PLD5: variants seen among roughly 807,000 people sequenced by gnomAD.
The protein encoded by PLD5 is phospholipase D family member 5.
PLD5 carries 36 observed loss-of-function variants against 61.1 expected under a neutral mutation model. The ratio of observed to expected loss-of-function variants is 0.59; its 90% confidence interval spans 0.45 to 0.78. PLD5 has a LOEUF of 0.78. Among genes scored for constraint, PLD5 ranks in the 30% least tolerant of loss-of-function variants. The pLI, the probability that PLD5 is intolerant of heterozygous loss-of-function variation, is 0.00. For missense variants in PLD5, 515 were observed against 644.4 expected (o/e 0.80, Z 2.17); for synonymous variants, 243 against 242.8 (o/e 1.00, Z -0.01).
chr1:242,472,292 T>C lies in PLD5; in HGVS notation c.189+51796A>G, dbSNP rs140324502. Reference sequence around the variant, plus strand: ...CACAATTTCTAAAGATATTCTCAGATGGTTGATGAATAAGGAGCACACTTT... The same window carrying C: ...CACAATTTCTAAAGATATTCTCAGACGGTTGATGAATAAGGAGCACACTTT... On this transcript the variant is annotated intron_variant, in intron 1 of 9. Coordinates refer to ENST00000536534, the MANE Select transcript of PLD5 (RefSeq NM_001372062.1). Among the ~76,000 whole-genome samples the C allele has an allele frequency of 1.2e-3, 184 of 152,316 alleles. 1 individual carries two copies. The highest frequency in any genetic ancestry group is 4.2e-3 in the African/African-American group (174 of 41,580).
chr1:242,401,305 T>C (rs1663918121), intron 1 of PLD5, among the ~76,000 whole-genome samples: 1 of 152,028 alleles, frequency 6.6e-6, no homozygotes. Flanking sequence ...CCACCCCTCA[T>C]TCTTAATCAG....
rs190243484 is a variant in PLD5, at chr1:242,482,323, G to T, written c.189+41765C>A. Among the ~76,000 whole-genome samples, 737 of 152,270 alleles carry T rather than the reference G, an allele frequency of 4.8e-3. 1 individual carries two copies. Among genetic ancestry groups the T allele is most frequent in the Non-Finnish European group, 7.6e-3 (520 of 68,014 alleles). On this transcript the variant is annotated intron_variant, in intron 1 of 9. Transcript: ENST00000536534. ...TAAAAACCTTGAAAAAAGATTAGAT[G>T]AATGGCTAACTACAATAACCAATGC...
intron 4 of PLD5, among the ~76,000 whole-genome samples, chr1:242,228,585 G>T (rs1381945349): frequency 3.9e-5 from 6 of 152,074 alleles, no homozygotes; most frequent in Non-Finnish European, 4.4e-5. Context: ...ACATACAGAG[G>T]TTGGCATGAC....
intron 5 of PLD5, among the ~76,000 whole-genome samples, chr1:242,126,438 G>A (rs1330406425): frequency 6.6e-6 from 1 of 152,192 alleles, no homozygotes; most frequent in Non-Finnish European, 1.5e-5. Flanking sequence ...CACCACAACA[G>A]CATGTTACTG....
At chr1:242,508,743 T>G (rs1166154537) in intron 1 of PLD5, among the ~76,000 whole-genome samples, 4 of 151,092 alleles carry the variant, frequency 2.6e-5, no homozygotes, top group Non-Finnish European at 5.9e-5. Context: ...GATATCCAAA[T>G]AGAAAAAAAA....
intron 1 of PLD5, among the ~76,000 whole-genome samples, chr1:242,351,658 C>T (rs1433470093): frequency 6.6e-6 from 1 of 152,178 alleles, no homozygotes; most frequent in Non-Finnish European, 1.5e-5. Context: ...TCGGGTATGT[C>T]TTTATTAGCA....
chr1:242,501,267 A>G (rs1051192005), intron 1 of PLD5, among the ~76,000 whole-genome samples: 2 of 152,198 alleles, frequency 1.3e-5, no homozygotes, highest in African/African-American at 4.8e-5. Flanking sequence ...TACCTCCTAA[A>G]TTCTCTCTCA....
intron 4 of PLD5, among the ~76,000 whole-genome samples, chr1:242,225,199 C>T (rs538585691): frequency 4.1e-4 from 62 of 151,358 alleles, no homozygotes; most frequent in Non-Finnish European, 5.6e-4. Flanking sequence ...TCACAAATAG[C>T]GCATGTGAGA....
intron 1 of PLD5, among the ~76,000 whole-genome samples, chr1:242,360,866 C>T (rs1383353450): frequency 1.3e-5 from 2 of 152,050 alleles, no homozygotes; most frequent in Admixed American, 1.3e-4. Context: ...AAACAAAAAG[C>T]TTTCAGCAAG....
At chr1:242,444,076 C>T (rs919216980) in intron 1 of PLD5, among the ~76,000 whole-genome samples, 7 of 152,152 alleles carry the variant, frequency 4.6e-5, no homozygotes, top group Non-Finnish European at 1.0e-4. Context: ...TTATTTTAAG[C>T]TTTGCACTTC....
chr1:242,226,857 T>C (rs1670979129), intron 4 of PLD5, among the ~76,000 whole-genome samples: 1 of 152,228 alleles, frequency 6.6e-6, no homozygotes, highest in Non-Finnish European at 1.5e-5. Flanking sequence ...TATCGTACTT[T>C]ATTTTGTGCT....
At chr1:242,194,664 A>G (rs113327474) in intron 5 of PLD5, among the ~76,000 whole-genome samples, 111 of 150,662 alleles carry the variant, frequency 7.4e-4, no homozygotes, top group African/African-American at 2.5e-3. Flanking sequence ...CTATCTATCT[A>G]TCTACCTATC....
chr1:242,376,851 A>G, intron 1 of PLD5: 1 of 1,481,816 alleles, frequency 6.7e-7, no homozygotes, highest in Middle Eastern at 2.5e-4. Context: ...ATCCCACTGC[A>G]AACTTTTTGT....
At chr1:242,302,766 A>C (rs1357697898) in intron 2 of PLD5, among the ~76,000 whole-genome samples, 2 of 152,210 alleles carry the variant, frequency 1.3e-5, no homozygotes, top group African/African-American at 4.8e-5. Context: ...AGATTTGCTC[A>C]TTCTCTGGGT....
Position 242,089,598 on chromosome 1 carries a change from T to C in PLD5, c.*256A>G. ...GGAGCAGGAATGAAAGTCTTAAAAT[T>C]TGTATGCAAACGTAAAAACTAACTT... On this transcript the variant is annotated 3_prime_UTR_variant, in exon 10 of 10. Transcript: ENST00000536534. The C allele has an allele frequency of 5.4e-6, 3 of 550,754 alleles. No individual in the cohort carries two copies. Among genetic ancestry groups the C allele is most frequent in the South Asian group, 3.1e-5 (1 of 32,564 alleles). The allele number at this position is 550,754 out of a possible 1,614,324, so 34.1% of individuals were successfully genotyped here. A position where few individuals can be genotyped will look rare whatever the true frequency, so the allele number is the denominator to read the frequency against.
At chr1:242,332,669 G>T (rs774823811) in intron 2 of PLD5, among the ~76,000 whole-genome samples, 5 of 152,080 alleles carry the variant, frequency 3.3e-5, no homozygotes, top group African/African-American at 1.2e-4. Flanking sequence ...AATACAAAAG[G>T]AAAGACAACC....
intron 2 of PLD5, among the ~76,000 whole-genome samples, chr1:242,310,079 A>G (rs1459510522): frequency 2.6e-5 from 4 of 151,970 alleles, no homozygotes; most frequent in Non-Finnish European, 2.9e-5. Flanking sequence ...GCAAAAAGTC[A>G]TCCTCACCAG....
intron 3 of PLD5, among the ~76,000 whole-genome samples, chr1:242,279,678 C>T (rs1247483354): frequency 6.6e-6 from 1 of 152,024 alleles, no homozygotes; most frequent in East Asian, 1.9e-4. Flanking sequence ...GGACTACAGG[C>T]GCCTGCCACC....
rs1040169446 is a variant in PLD5 at position 242,351,925 on chromosome 1, CCTCA to C, written c.190-3687_190-3684del. ...TTTTATTTTTCATTCATCCCTTATT[CCTCA>C]CTAATTTTTTTAAAAGTTTATATTT... On this transcript the variant is annotated intron_variant, in intron 1 of 9. Transcript: ENST00000536534. Among the ~76,000 whole-genome samples the C allele has an allele frequency of 2.1e-3, 320 of 152,196 alleles. 2 individuals are homozygous for C. The highest frequency in any genetic ancestry group is 7.3e-3 in the African/African-American group (305 of 41,514).
Sources: gnomAD v4.1 joint callset for allele counts (sites outside exome capture counted in the v4.1 genomes callset) on GRCh38, gnomAD v4.1.1 for gene constraint, MANE v1.5 for transcripts, NCBI Gene and HGNC (gene_info 2026-07-23, HGNC 2026-07-21) for gene names.